Variants in FZD3 observed in about 807,000 individuals in gnomAD.
FZD3 encodes the protein frizzled-3.
FZD3 carries 30 observed loss-of-function variants against 60.7 expected under a neutral mutation model. The observed-to-expected ratio is 0.49, with a 90% confidence interval of 0.37 to 0.67. FZD3 has a LOEUF of 0.67. FZD3 is among the 30% of genes least tolerant of loss of function. FZD3 has a pLI of 0.00. For missense variants in FZD3, 605 were observed against 838.7 expected (o/e 0.72, Z 3.44); for synonymous variants, 246 against 275.2 (o/e 0.89, Z 1.05).
intron 3 of FZD3, among the ~76,000 whole-genome samples, chr8:28,515,677 C>T (rs1408314527): frequency 6.6e-6 from 1 of 152,188 alleles, no homozygotes; most frequent in Non-Finnish European, 1.5e-5. Flanking sequence ...GCTGTTTTGC[C>T]TCTTAGCATG....
rs1184929167 is a variant in FZD3 at position 28,572,469 on chromosome 8, A to G, written c.*9458A>G. 1.3e-5 allele frequency: 2 copies of G among 152,172 alleles called. No individual in the cohort carries two copies. Among genetic ancestry groups the G allele is most frequent in the Non-Finnish European group, 2.9e-5 (2 of 68,024 alleles). The allele number at this position is 152,172 out of a possible 1,614,324, so 9.4% of individuals were successfully genotyped here. On this transcript the variant is annotated 3_prime_UTR_variant, in exon 8 of 8. Transcript: ENST00000240093. ...TTGTTGTTAAATTTCCCAGTTTTTAAAAGTGTTTTATCAAAATGACTTCAT... is the reference window on the plus strand; with the variant it reads ...TTGTTGTTAAATTTCCCAGTTTTTAGAAGTGTTTTATCAAAATGACTTCAT...
At position 28,568,929 on chromosome 8, in the gene FZD3, T is replaced by C. The variant is rs1244274477; in HGVS notation, c.*5918T>C. ...TTTATTGGTCACTGTCACCAGTTTT[T>C]CCCGATAAAGATTAAAAATGTTTTT... On this transcript the variant is annotated 3_prime_UTR_variant, in exon 8 of 8. Transcript: ENST00000240093. 1 of 152,174 alleles carries C rather than the reference T, an allele frequency of 6.6e-6. No individual in the cohort carries two copies. Among genetic ancestry groups the C allele is most frequent in the Admixed American group, 6.5e-5 (1 of 15,284 alleles). 9.4% of individuals were successfully genotyped at this position (152,174 alleles called of 1,614,324 possible). A position where few individuals can be genotyped will look rare whatever the true frequency, so the allele number is the denominator to read the frequency against.
intron 5 of FZD3, among the ~76,000 whole-genome samples, chr8:28,548,227 T>TA (rs11427709): frequency 0.61 from 92,992 of 151,976 alleles, 28,784 homozygotes; most frequent in African/African-American, 0.68. Flanking sequence ...CTCCTTGAAA[T>TA]AAAGCTTTCA....
Position 28,503,168 on chromosome 8 carries a change from A to G in FZD3, c.155A>G (p.His52Arg). The G allele has an allele frequency of 6.2e-7, 1 of 1,613,476 alleles. No individual in the cohort carries two copies. Among genetic ancestry groups the G allele is most frequent in the South Asian group, 1.1e-5 (1 of 91,068 alleles). The change falls in exon 3 of 8, where the codon CAT becomes CGT. Residue 52 changes from histidine (H) to arginine (R), a missense_variant. Transcript: ENST00000240093. Reference sequence around the variant, plus strand: ...ACCTTCATGCCTAATCTTCTGAATCATTATGACCAACAGACAGCAGCTTTG... The same window carrying G: ...ACCTTCATGCCTAATCTTCTGAATCGTTATGACCAACAGACAGCAGCTTTG... ...NTTFMPNLLN[H>R]YDQQTAALAM...
intron 7 of FZD3, among the ~76,000 whole-genome samples, chr8:28,557,447 C>G (rs1465291634): frequency 1.3e-5 from 2 of 152,116 alleles, no homozygotes; most frequent in Non-Finnish European, 2.9e-5. Flanking sequence ...CCCTGTCCTC[C>G]TAGTGTAGAA....
rs113522701 is a variant in FZD3 at position 28,536,690 on chromosome 8, C to T, written c.1404+8526C>T. ...TATCACTGCATTCCAGCCTGGGCGA[C>T]AGGGAGACCCTGTCTCAAAAAAAAA... On this transcript the variant is annotated intron_variant, in intron 5 of 7. Transcript: ENST00000240093. 9.1e-3 allele frequency among the ~76,000 whole-genome samples: 1,387 copies of T among 152,210 alleles called. 25 individuals are homozygous for T. Among genetic ancestry groups the T allele is most frequent in the African/African-American group, 0.031 (1,300 of 41,526 alleles).
In FZD3 at chr8:28,563,944, G is replaced by T. The variant is rs1215271213; in HGVS notation, c.*933G>T. The T allele has an allele frequency of 6.6e-6, 1 of 152,664 alleles. No individual in the cohort carries two copies. Among genetic ancestry groups the T allele is most frequent in the East Asian group, 1.9e-4 (1 of 5,206 alleles). The allele number at this position is 152,664 out of a possible 1,614,324, so 9.5% of individuals were successfully genotyped here. On this transcript the variant is annotated 3_prime_UTR_variant, in exon 8 of 8. Coordinates refer to ENST00000240093, the MANE Select transcript of FZD3 (RefSeq NM_017412.4). Reference sequence around the variant, plus strand: ...TCATTGTTGTATTTTTCTACAGTGAGATGTGATCTTGCCAAAGCCACCAGA... The same window carrying T: ...TCATTGTTGTATTTTTCTACAGTGATATGTGATCTTGCCAAAGCCACCAGA...
In FZD3 at chr8:28,528,111, A is replaced by G. The variant is rs2130376930; in HGVS notation, c.1351A>G (p.Thr451Ala). ...GCAAGCTTACCGGGGCATCTGGGAA[A>G]CAACGTGGATACAAGAACGCTGCAG... ...YEQAYRGIWETTWIQERCREY... is the reference protein window; with the variant it reads ...YEQAYRGIWEATWIQERCREY... The change falls in exon 5 of 8, where the codon ACA becomes GCA. Residue 451 changes from threonine to alanine, a missense_variant. By Grantham distance (58) the Thr-to-Ala change is moderately conservative. Coordinates refer to ENST00000240093, the MANE Select transcript of FZD3 (RefSeq NM_017412.4). 6.2e-7 allele frequency: 1 copy of G among 1,613,958 alleles called. No homozygotes were observed. The highest frequency in any genetic ancestry group is 2.2e-5 in the East Asian group (1 of 44,892).
intron 5 of FZD3, among the ~76,000 whole-genome samples, chr8:28,530,135 GTGTGTGTT>G (rs1563394360): frequency 3.1e-5 from 4 of 128,026 alleles, no homozygotes; most frequent in African/African-American, 8.9e-5. Flanking sequence ...GTGTGTGTGT[GTGTGTGTT>G]GGGGGGGATT....
In FZD3 at chr8:28,558,018, T is replaced by C. The variant is rs114934167; in HGVS notation, c.1787+2047T>C. On this transcript the variant is annotated intron_variant, in intron 7 of 7. Coordinates refer to ENST00000240093, the MANE Select transcript of FZD3 (RefSeq NM_017412.4). ...GGATTCAGAGGAGGCAGTTGGGAGT[T>C]AAGGTAACAGCACATGCAGAGGCAA... Among the ~76,000 whole-genome samples, 521 of 152,250 alleles carry C rather than the reference T, an allele frequency of 3.4e-3. 3 individuals are homozygous for C. Among genetic ancestry groups the C allele is most frequent in the African/African-American group, 0.012 (502 of 41,528 alleles).
intron 3 of FZD3, chr8:28,505,011 T>A (rs1206012294): frequency 6.5e-6 from 1 of 153,882 alleles, no homozygotes; most frequent in Non-Finnish European, 1.5e-5. Context: ...CTTGAAGTAA[T>A]GTTGGGAATA....
intron 1 of FZD3, among the ~76,000 whole-genome samples, chr8:28,494,767 G>C (rs886583559): frequency 6.6e-6 from 1 of 152,066 alleles, no homozygotes; most frequent in Non-Finnish European, 1.5e-5. Context: ...GGAGAGAGGG[G>C]CCCGGCCGGA....
chr8:28,546,995 G>A lies in FZD3; in HGVS notation c.1405-4608G>A, dbSNP rs566240816. 1.4e-4 allele frequency among the ~76,000 whole-genome samples: 21 copies of A among 152,040 alleles called. No individual in the cohort carries two copies. In the South Asian group the frequency reaches 2.7e-3, roughly 20 times the overall value. ...AAAAAAAAAAAAAAAAGTTTTTAAT[G>A]GTTCGAAACCCAAAAGCTACGAAAG... is the stretch of plus-strand genomic sequence containing the variant. On this transcript the variant is annotated intron_variant, in intron 5 of 7. Transcript: ENST00000240093.
intron 5 of FZD3, among the ~76,000 whole-genome samples, chr8:28,541,913 G>A (rs558079703): frequency 6.6e-5 from 10 of 152,144 alleles, no homozygotes; most frequent in Admixed American, 1.3e-4. Flanking sequence ...CTCTACCTTA[G>A]TCCAAGCCAT....
chr8:28,499,382 C>G (rs1417418013), intron 1 of FZD3, among the ~76,000 whole-genome samples: 2 of 152,096 alleles, frequency 1.3e-5, no homozygotes, highest in Non-Finnish European at 2.9e-5. Flanking sequence ...AATATTCCAT[C>G]ATGTGGTTAT....
intron 3 of FZD3, among the ~76,000 whole-genome samples, chr8:28,518,512 T>A (rs1221491473): frequency 6.6e-6 from 1 of 152,150 alleles, no homozygotes; most frequent in African/African-American, 2.4e-5. Flanking sequence ...TGTGCAGAGG[T>A]TGAACAGTAA....
chr8:28,500,772 T>A (rs940757338), intron 2 of FZD3, among the ~76,000 whole-genome samples: 6 of 152,198 alleles, frequency 3.9e-5, no homozygotes, highest in African/African-American at 1.4e-4. Context: ...TTTTCTTTTT[T>A]TTTTCTGATG....
rs761638226 is a variant in FZD3, at chr8:28,520,802, T to G, written c.354T>G (p.Gly118=). ...GTTCGAAGCTCATGGAGATGTTTGG[T>G]GTTCCTTGGCCTGAAGATATGGAAT... The part of the protein sequence containing the change: ...SECSKLMEMF[G]VPWPEDMECS... The change falls in exon 4 of 8, where the codon GGT becomes GGG. Residue 118 remains glycine, a synonymous_variant. Transcript: ENST00000240093. The G allele has an allele frequency of 6.2e-7, 1 of 1,609,372 alleles. No individual in the cohort carries two copies. Among genetic ancestry groups the G allele is most frequent in the Non-Finnish European group, 8.5e-7 (1 of 1,177,534 alleles).
chr8:28,521,971 CAGAT>C (rs1375862190), intron 4 of FZD3, among the ~76,000 whole-genome samples: 49 of 152,156 alleles, frequency 3.2e-4, no homozygotes, highest in African/African-American at 1.2e-3. Context: ...TCTTACTTGA[CAGAT>C]GGAGAAACTT....
Sources: gnomAD v4.1 joint callset for allele counts (sites outside exome capture counted in the v4.1 genomes callset) on GRCh38, gnomAD v4.1.1 for gene constraint, MANE v1.5 for transcripts, NCBI Gene and HGNC (gene_info 2026-07-23, HGNC 2026-07-21) for gene names.